Variants in AMY2B observed in about 807,000 individuals in gnomAD.
AMY2B encodes alpha-amylase 2B.
Under a neutral mutation model 59.3 loss-of-function variants are expected in AMY2B, and 63 were observed. The ratio of observed to expected loss-of-function variants is 1.06; its 90% CI spans 0.87 to 1.31. The LOEUF (loss-of-function observed/expected upper bound fraction) is 1.31. AMY2B is among the 50% of genes most tolerant of loss of function. The pLI, the probability that AMY2B is intolerant of heterozygous loss-of-function variation, is 0.00. For missense variants in AMY2B, 635 were observed against 626.7 expected, an observed-to-expected ratio of 1.01 and a Z score of -0.14; for synonymous variants, 180 against 198.1, an observed-to-expected ratio of 0.91 and a Z score of 0.77.
chr1:103,578,833 T>C (rs1338697021), intron 9 of AMY2B, among the ~76,000 whole-genome samples: 1 of 142,886 alleles, frequency 7.0e-6, no homozygotes, highest in Non-Finnish European at 1.5e-5. Context: ...AATTTTTTTT[T>C]AAATTATACT....
chr1:103,558,855 G>T (rs188662994), intron 1 of AMY2B, among the ~76,000 whole-genome samples: 202 of 151,168 alleles, frequency 1.3e-3, no homozygotes, highest in Non-Finnish European at 2.3e-3. Flanking sequence ...TATTAAACAA[G>T]ATCTAAGGAT....
At chr1:103,578,591 AATAC>A (rs1652453945) in intron 9 of AMY2B, among the ~76,000 whole-genome samples, 1 of 152,168 alleles carries the variant, frequency 6.6e-6, no homozygotes, top group Non-Finnish European at 1.5e-5. Context: ...AAAATAAATA[AATAC>A]ATAAATACAT....
intron 1 of AMY2B, 24 bp downstream of exon 1, chr1:103,571,794 T>C (rs756214031): frequency 3.2e-5 from 52 of 1,611,864 alleles, no homozygotes; most frequent in Non-Finnish European, 4.2e-5. Context: ...ATAGTATCAA[T>C]TGCAGAATTC....
At chr1:103,566,254 C>G (rs1314130707) in intron 2 of AMY2B, among the ~76,000 whole-genome samples, 3 of 152,168 alleles carry the variant, frequency 2.0e-5, no homozygotes, top group Non-Finnish European at 4.4e-5. Context: ...TCGTAACCCT[C>G]TTAAAACTAT....
intron 1 of AMY2B, among the ~76,000 whole-genome samples, chr1:103,557,140 G>A (rs895918765): frequency 2.7e-5 from 4 of 150,426 alleles, no homozygotes; most frequent in South Asian, 2.1e-4. Flanking sequence ...ATCTTAAAGC[G>A]TGCGCGCGCG....
chr1:103,575,937 C>T (rs141033377), intron 7 of AMY2B, among the ~76,000 whole-genome samples: 180 of 151,766 alleles, frequency 1.2e-3, no homozygotes, highest in African/African-American at 4.1e-3. Context: ...TATAAATGTT[C>T]GTTAAATATT....
chr1:103,579,322 T>A lies in AMY2B; in HGVS notation c.1358T>A (p.Leu453Ter). ...ATTTTATTTTACAGGACATTTTCTTTAACTTTGCAAACTGGTCTTCCTGCT... is the reference window on the plus strand; with the variant it reads ...ATTTTATTTTACAGGACATTTTCTTAAACTTTGCAAACTGGTCTTCCTGCT... ...VFNNDDWTFS[L>*]TLQTGLPAGT... Residue 453 changes from leucine (L) to a stop codon, truncating the protein, a stop_gained, in exon 10 of 10, where the codon TTA becomes TAA. Coordinates refer to ENST00000684275, the MANE Select transcript of AMY2B (RefSeq NM_001387437.1). LOFTEE classifies it high-confidence loss of function. 1 of 1,611,734 alleles carries A rather than the reference T, an allele frequency of 6.2e-7. No homozygotes were observed. The highest frequency in any genetic ancestry group is 8.5e-7 in the Non-Finnish European group (1 of 1,179,676).
At chr1:103,562,169 GTC>G (rs1651754300) in intron 1 of AMY2B, 2 of 152,140 alleles carry the variant, frequency 1.3e-5, no homozygotes, top group Non-Finnish European at 2.9e-5. Context: ...AGTGGTTTCT[GTC>G]ACATGATTTG....
chr1:103,562,098 A>G (rs1651751915), intron 1 of AMY2B: 1 of 152,188 alleles, frequency 6.6e-6, no homozygotes, highest in Non-Finnish European at 1.5e-5. Flanking sequence ...TAATGTGGTA[A>G]GTTGTTTTAA....
At chr1:103,577,296 C>G in intron 7 of AMY2B, 194 bp from the exon 8 acceptor site, 1 of 1,108,490 alleles carries the variant, frequency 9.0e-7, no homozygotes, top group Non-Finnish European at 1.3e-6. Context: ...TGAAATATGG[C>G]AAAAGAGAAC....
At chr1:103,568,531 T>A (rs961368948), upstream of AMY2B, 1 of 152,134 alleles carries the variant, frequency 6.6e-6, no homozygotes, top group Non-Finnish European at 1.5e-5. Context: ...GAAATTTAAA[T>A]AACCAAAACT....
chr1:103,575,775 G>T, intron 7 of AMY2B: 1 of 459,082 alleles, frequency 2.2e-6, no homozygotes. Flanking sequence ...CTAGCCCACA[G>T]GAAAAAAAAA....
chr1:103,558,576 A>G (rs533944272), intron 1 of AMY2B, among the ~76,000 whole-genome samples: 1 of 152,248 alleles, frequency 6.6e-6, no homozygotes, highest in East Asian at 1.9e-4. Context: ...AAAAATGATG[A>G]CATTTAACTT....
At chr1:103,574,026 A>C in intron 4 of AMY2B, 88 bp downstream of exon 4, 3 of 1,600,690 alleles carry the variant, frequency 1.9e-6, no homozygotes, top group Non-Finnish European at 2.6e-6. Context: ...TTTCTATAGG[A>C]TAAGGACTGA....
intron 1 of AMY2B, 94 bp from the exon 2 acceptor site, chr1:103,572,016 G>C: frequency 2.5e-6 from 4 of 1,586,138 alleles, no homozygotes; most frequent in Admixed American, 1.8e-5. Flanking sequence ...CATATACCAA[G>C]ATTCAAGAAT....
At chr1:103,554,989 C>T (rs939332160) in exon 1 of AMY2B, 28 of 152,060 alleles carry the variant, frequency 1.8e-4, no homozygotes, top group African/African-American at 6.3e-4. Context: ...AACTAATGAC[C>T]TGTGTTATAC....
At chr1:103,559,190 A>C (rs1188764824) in intron 1 of AMY2B, among the ~76,000 whole-genome samples, 3 of 152,200 alleles carry the variant, frequency 2.0e-5, no homozygotes, top group Admixed American at 2.0e-4. Flanking sequence ...CGTGCACCGC[A>C]TATATGATGG....
intron 2 of AMY2B, among the ~76,000 whole-genome samples, chr1:103,572,718 G>C (rs1430292198): frequency 6.6e-6 from 1 of 152,096 alleles, no homozygotes. Flanking sequence ...GAGAGTACAG[G>C]CTTTCTCCTG....
At chr1:103,573,629 G>C (rs530021637) in intron 3 of AMY2B, 79 bp from the exon 4 acceptor site, 139 of 1,586,012 alleles carry the variant, frequency 8.8e-5, no homozygotes, top group Non-Finnish European at 1.1e-4. Context: ...AGGAATCATG[G>C]AATAAATGAA....
Sources: gnomAD v4.1 joint callset for allele counts (sites outside exome capture counted in the v4.1 genomes callset) on GRCh38, gnomAD v4.1.1 for gene constraint, MANE v1.5 for transcripts, NCBI Gene and HGNC (gene_info 2026-07-23, HGNC 2026-07-21) for gene names.